PHLDB2: variants seen among roughly 807,000 people sequenced by gnomAD.
PHLDB2 encodes pleckstrin homology like domain family B member 2, also known as pleckstrin homology-like domain family B member 2.
In PHLDB2, 71 loss-of-function variants were observed where a neutral mutation model predicts 123.6. The observed-to-expected ratio is 0.57, with a 90% CI of 0.47 to 0.70. The LOEUF is 0.70. Among genes scored for constraint, PHLDB2 ranks in the 30% least tolerant of loss-of-function variants. The pLI, the probability that PHLDB2 is intolerant of heterozygous loss-of-function variation, is 0.00. For synonymous variants in PHLDB2, 547 were observed against 541.6 expected (o/e 1.01, Z -0.14); for missense variants, 1,446 against 1,519.5 (o/e 0.95, Z 0.80).
chr3:111,805,351 G>A (rs2061534138), intron 1 of PHLDB2, among the ~76,000 whole-genome samples: 1 of 151,994 alleles, frequency 6.6e-6, no homozygotes, highest in African/African-American at 2.4e-5. Flanking sequence ...ACGAGGTCAG[G>A]AGCTCGAGAC....
rs113577287 is a variant in PHLDB2, at chr3:111,948,836, G to A, written c.2488-96G>A. On this transcript the variant is annotated intron_variant, in intron 9 of 17. Coordinates refer to ENST00000431670, the MANE Select transcript of PHLDB2 (RefSeq NM_001134438.2). ...AATACCACAGATATCTGGCTGTGCCGCTCTAAGCTAACTTCATTGTACTGG... is the reference window on the plus strand; with the variant it reads ...AATACCACAGATATCTGGCTGTGCCACTCTAAGCTAACTTCATTGTACTGG... The A allele has an allele frequency of 1.4e-3, 1,685 of 1,182,596 alleles. 17 individuals are homozygous for A. Among genetic ancestry groups the A allele is most frequent in the South Asian group, 0.012 (808 of 68,792 alleles). 73.3% of individuals were successfully genotyped at this position (1,182,596 alleles called of 1,614,324 possible). A position where few individuals can be genotyped will look rare whatever the true frequency, so the allele number is the denominator to read the frequency against.
chr3:111,968,215 G>T (rs1037871838), intron 15 of PHLDB2, among the ~76,000 whole-genome samples: 1 of 152,128 alleles, frequency 6.6e-6, no homozygotes, highest in African/African-American at 2.4e-5. Context: ...TTTGCTTGGG[G>T]AATGGAAGAG....
rs573454636 is a variant in PHLDB2, at chr3:111,814,783, G to A, written c.-48-31038G>A. Among the ~76,000 whole-genome samples, 10 of 152,250 alleles carry A rather than the reference G, an allele frequency of 6.6e-5. No individual in the cohort carries two copies. The East Asian group carries it at 9.7e-4, about 15-fold the overall frequency. ...TACAAGCACAAAGAGAGGGAAACCC[G>A]AGGAACATCCTGGCTTTATAACAAC... On this transcript the variant is annotated intron_variant, in intron 1 of 17. Transcript: ENST00000393923.
intron 1 of PHLDB2, among the ~76,000 whole-genome samples, chr3:111,860,657 T>TA (rs140701699): frequency 4.1e-4 from 62 of 152,268 alleles, no homozygotes; most frequent in Non-Finnish European, 6.6e-4. Flanking sequence ...GTTCCTCACT[T>TA]ACCTTTCTTA....
chr3:111,738,333 C>A (rs927925079), intron 1 of PHLDB2, among the ~76,000 whole-genome samples: 3 of 152,206 alleles, frequency 2.0e-5, no homozygotes, highest in African/African-American at 7.2e-5. Context: ...CTAGGCCTGA[C>A]ATCATTGTTG....
chr3:111,845,387 T>TAAAAAA (rs2063926755), intron 1 of PHLDB2, among the ~76,000 whole-genome samples: 3 of 71,542 alleles, frequency 4.2e-5, no homozygotes, highest in African/African-American at 1.1e-4. Flanking sequence ...AAAAAAAAAC[T>TAAAAAA]ATGGGATTTG....
chr3:111,778,033 C>T (rs1287291022), intron 1 of PHLDB2, among the ~76,000 whole-genome samples: 1 of 151,976 alleles, frequency 6.6e-6, no homozygotes, highest in African/African-American at 2.4e-5. Flanking sequence ...ATTTACATTT[C>T]ATCGCACAAT....
Position 111,960,101 on chromosome 3 carries a change from T to A in PHLDB2, c.2873-2007T>A, listed in dbSNP as rs1269785071. On this transcript the variant is annotated intron_variant, in intron 12 of 17. Transcript: ENST00000431670. The stretch of plus-strand genomic sequence containing the variant: ...GAGCTTTTCAAATAATTTCTGTTGT[T>A]TTTTTGTCATTTGCATAATAAATAA... 4 of 704,284 alleles carry A rather than the reference T, an allele frequency of 5.7e-6. No homozygotes were observed. In the African/African-American group the frequency reaches 7.8e-5, roughly 14 times the overall value. 43.6% of individuals were successfully genotyped at this position (704,284 alleles called of 1,614,324 possible).
chr3:111,804,083 G>A (rs761508642), intron 1 of PHLDB2, among the ~76,000 whole-genome samples: 5 of 151,650 alleles, frequency 3.3e-5, no homozygotes, highest in Admixed American at 6.6e-5. Context: ...TTTTCTGATC[G>A]TCCTCTCCTC....
chr3:111,755,055 GTATTT>G (rs2059859224), intron 1 of PHLDB2, among the ~76,000 whole-genome samples: 1 of 144,430 alleles, frequency 6.9e-6, no homozygotes, highest in Non-Finnish European at 1.5e-5. Flanking sequence ...CGGTTTGCCA[GTATTT>G]TATTGAGGAT....
At chr3:111,826,852 A>T (rs1233623310) in intron 1 of PHLDB2, among the ~76,000 whole-genome samples, 1 of 152,094 alleles carries the variant, frequency 6.6e-6, no homozygotes, top group Non-Finnish European at 1.5e-5. Context: ...GCCTGCCTCT[A>T]GGAGGCTGCT....
At chr3:111,951,845 G>C (rs148845198) in intron 10 of PHLDB2, among the ~76,000 whole-genome samples, 42 of 152,084 alleles carry the variant, frequency 2.8e-4, no homozygotes, top group African/African-American at 7.2e-4. Context: ...CTGAGATTTT[G>C]GTGCACCCAT....
At position 111,942,929 on chromosome 3, in the gene PHLDB2, G is replaced by A. The variant is rs914708920; in HGVS notation, c.2397+2284G>A. On this transcript the variant is annotated intron_variant, in intron 8 of 17. Coordinates refer to ENST00000431670, the MANE Select transcript of PHLDB2 (RefSeq NM_001134438.2). ...CAAAGTTCAGTATTGATCAGTTGAT[G>A]AAAATATTGTGACTAGAGGCTTGCA... Among the ~76,000 whole-genome samples the A allele has an allele frequency of 9.2e-5, 14 of 151,956 alleles. 1 individual carries two copies. Among genetic ancestry groups the A allele is most frequent in the African/African-American group, 3.4e-4 (14 of 41,372 alleles).
At chr3:111,880,694 A>G (rs780619517) in intron 1 of PHLDB2, among the ~76,000 whole-genome samples, 1 of 148,946 alleles carries the variant, frequency 6.7e-6, no homozygotes, top group Admixed American at 6.7e-5. Context: ...TTTTTTTTTC[A>G]AGATCGGGCA....
chr3:111,955,144 G>GAC (rs1553754359), intron 12 of PHLDB2, among the ~76,000 whole-genome samples: 2 of 145,300 alleles, frequency 1.4e-5, no homozygotes, highest in East Asian at 3.9e-4. Context: ...ATGTATATAT[G>GAC]ATATATATAT....
chr3:111,927,878 G>A (rs2107556378), intron 5 of PHLDB2, among the ~76,000 whole-genome samples: 2 of 152,304 alleles, frequency 1.3e-5, no homozygotes, highest in Admixed American at 1.3e-4. Flanking sequence ...CAGAGAGTTA[G>A]CAAATTAAAT....
intron 2 of PHLDB2, among the ~76,000 whole-genome samples, chr3:111,901,679 T>C (rs1170023320): frequency 6.6e-6 from 1 of 152,220 alleles, no homozygotes; most frequent in Non-Finnish European, 1.5e-5. Context: ...TTCTGGAACT[T>C]GATCAAGCTA....
chr3:111,780,315 G>GAGGAAGAAGAAGAAGAAGAAGAAGAA (rs754733203), intron 1 of PHLDB2, among the ~76,000 whole-genome samples: 1 of 4,944 alleles, frequency 2.0e-4, no homozygotes, highest in African/African-American at 5.8e-4. Context: ...AAGAGGAAGA[G>GAGGAAGAAGAAGAAGAAGAAGAAGAA]GAAGAGGAAG....
chr3:111,836,247 G>T (rs140892985), intron 1 of PHLDB2, among the ~76,000 whole-genome samples: 2 of 152,314 alleles, frequency 1.3e-5, no homozygotes, highest in Middle Eastern at 3.4e-3. Flanking sequence ...GAAGTTATGA[G>T]CCAAACGGAA....
Sources: gnomAD v4.1 joint callset for allele counts (sites outside exome capture counted in the v4.1 genomes callset) on GRCh38, gnomAD v4.1.1 for gene constraint, MANE v1.5 for transcripts, NCBI Gene and HGNC (gene_info 2026-07-23, HGNC 2026-07-21) for gene names.